Variants in TMEM178B observed in about 807,000 individuals in gnomAD.
TMEM178B encodes the protein transmembrane protein 178B.
In TMEM178B, 5 loss-of-function variants were observed where a neutral mutation model predicts 31.0. That is an observed-to-expected ratio of 0.16 (90% CI 0.08 to 0.34). TMEM178B has a LOEUF of 0.34. Ranked by LOEUF, TMEM178B falls within the 10% of genes least tolerant of loss-of-function variation. The probability of loss-of-function intolerance (pLI) is 1.00; values close to 1 mark genes in which losing one functional copy is unlikely to be tolerated. For synonymous variants in TMEM178B, 164 were observed against 164.0 expected, an observed-to-expected ratio of 1.00 and a Z score of 0.00; for missense variants, 275 against 400.3, an observed-to-expected ratio of 0.69 and a Z score of 2.67.
intron 2 of TMEM178B, among the ~76,000 whole-genome samples, chr7:141,436,381 C>T (rs745922286): frequency 1.5e-4 from 23 of 152,150 alleles, no homozygotes; most frequent in Non-Finnish European, 2.4e-4. Flanking sequence ...GCCCAAGGAT[C>T]CTCCAGGCTG....
chr7:141,379,317 A>G (rs1050853390), intron 2 of TMEM178B, among the ~76,000 whole-genome samples: 5 of 151,278 alleles, frequency 3.3e-5, no homozygotes, highest in South Asian at 2.1e-4. Context: ...AAAAAAAAAA[A>G]AAATTAAAAT....
chr7:141,269,491 C>A (rs1798147022), intron 2 of TMEM178B, among the ~76,000 whole-genome samples: 2 of 152,148 alleles, frequency 1.3e-5, no homozygotes, highest in Admixed American at 6.5e-5. Flanking sequence ...ATTCCCAGTA[C>A]CCCCACTACT....
At chr7:141,510,108 G>A in the TMEM178B span, among the ~76,000 whole-genome samples, 1 of 152,298 alleles carries the variant, frequency 6.6e-6, no homozygotes, top group African/African-American at 2.4e-5. Flanking sequence ...ACCCAGCTGG[G>A]ACTTGGCAAC....
At chr7:141,413,115 C>T (rs1015534162) in intron 2 of TMEM178B, among the ~76,000 whole-genome samples, 1 of 152,178 alleles carries the variant, frequency 6.6e-6, no homozygotes, top group African/African-American at 2.4e-5. Context: ...TTTACCTGAG[C>T]CCTTCTATGC....
intron 1 of TMEM178B, among the ~76,000 whole-genome samples, chr7:141,088,188 A>G (rs1328243007): frequency 6.6e-6 from 1 of 152,018 alleles, no homozygotes; most frequent in Non-Finnish European, 1.5e-5. Flanking sequence ...TCCTTCCTCA[A>G]TGTCAGCATC....
intron 1 of TMEM178B, among the ~76,000 whole-genome samples, chr7:141,075,796 AG>A (rs906067111): frequency 6.6e-6 from 1 of 152,222 alleles, no homozygotes; most frequent in African/African-American, 2.4e-5. Context: ...AAGATATAAA[AG>A]CAGTTCTTAG....
intron 1 of TMEM178B, among the ~76,000 whole-genome samples, chr7:141,097,770 G>T (rs6962233): frequency 0.25 from 35,909 of 146,438 alleles, 5,915 homozygotes; most frequent in African/African-American, 0.48. Context: ...TTCGCTTTAT[G>T]TTTCTTTTCT....
At chr7:141,291,868 T>C in intron 2 of TMEM178B, among the ~76,000 whole-genome samples, 1 of 152,016 alleles carries the variant, frequency 6.6e-6, no homozygotes, top group Admixed American at 6.6e-5. Flanking sequence ...TCCTTTTCTC[T>C]TCACCTAAAT....
chr7:141,086,731 G>C (rs558748423), intron 1 of TMEM178B, among the ~76,000 whole-genome samples: 71 of 152,164 alleles, frequency 4.7e-4, no homozygotes, highest in Non-Finnish European at 7.9e-4. Flanking sequence ...ATGGAGTCTT[G>C]CTGTGTCACC....
intron 2 of TMEM178B, among the ~76,000 whole-genome samples, chr7:141,268,044 C>T (rs1407494461): frequency 6.6e-6 from 1 of 152,182 alleles, no homozygotes; most frequent in African/African-American, 2.4e-5. Context: ...TTACATTGAG[C>T]CCATGCAAGC....
chr7:141,434,201 CT>C (rs1801491580), intron 2 of TMEM178B, among the ~76,000 whole-genome samples: 2 of 152,220 alleles, frequency 1.3e-5, no homozygotes, highest in African/African-American at 4.8e-5. Flanking sequence ...GCCCAGCCCA[CT>C]TTCCCATCCG....
chr7:141,090,951 C>T (rs578210091), intron 1 of TMEM178B, among the ~76,000 whole-genome samples: 2 of 152,316 alleles, frequency 1.3e-5, no homozygotes, highest in African/African-American at 4.8e-5. Flanking sequence ...ATCTGAAGGG[C>T]ACAGCCCATT....
chr7:141,482,681 G>T (rs562914764), downstream of TMEM178B, among the ~76,000 whole-genome samples: 3 of 152,142 alleles, frequency 2.0e-5, no homozygotes, highest in Non-Finnish European at 1.5e-5. Context: ...ACTATACTCA[G>T]GGTTATGGTT....
the TMEM178B span, among the ~76,000 whole-genome samples, chr7:141,503,740 G>T: frequency 6.6e-6 from 1 of 152,178 alleles, no homozygotes; most frequent in African/African-American, 2.4e-5. Flanking sequence ...GTCTTTTTCT[G>T]TGTGATTATA....
At chr7:141,104,834 G>A (rs1195694867) in intron 1 of TMEM178B, among the ~76,000 whole-genome samples, 2 of 152,122 alleles carry the variant, frequency 1.3e-5, no homozygotes, top group Non-Finnish European at 2.9e-5. Flanking sequence ...TATTGGATTA[G>A]TGCTCCTTTA....
At chr7:141,296,542 A>G (rs190778747) in intron 2 of TMEM178B, among the ~76,000 whole-genome samples, 220 of 152,374 alleles carry the variant, frequency 1.4e-3, no homozygotes, top group African/African-American at 4.7e-3. Flanking sequence ...TAGAGGGAAT[A>G]TGCTAAGACA....
the TMEM178B span, among the ~76,000 whole-genome samples, chr7:141,490,523 C>A: frequency 6.6e-6 from 1 of 152,214 alleles, no homozygotes; most frequent in Non-Finnish European, 1.5e-5. Context: ...CCCTCACAGC[C>A]TCAGGGGGAA....
chr7:141,410,103 A>T (rs1800954986), intron 2 of TMEM178B, among the ~76,000 whole-genome samples: 1 of 151,830 alleles, frequency 6.6e-6, no homozygotes, highest in Non-Finnish European at 1.5e-5. Flanking sequence ...CATCCCCATC[A>T]CCTGTTTCCT....
intron 2 of TMEM178B, among the ~76,000 whole-genome samples, chr7:141,388,654 G>A (rs548963022): frequency 3.9e-5 from 6 of 152,136 alleles, no homozygotes; most frequent in African/African-American, 7.2e-5. Context: ...TAACTACTCC[G>A]GGTTGGCATT....
Sources: allele counts gnomAD v4.1 joint callset (sites outside exome capture counted in the v4.1 genomes callset), GRCh38; gene constraint gnomAD v4.1.1; transcripts MANE v1.5; gene names NCBI Gene and HGNC (gene_info 2026-07-23, HGNC 2026-07-21).